PDGFRA: variants seen among roughly 807,000 people sequenced by gnomAD.
PDGFRA encodes platelet-derived growth factor receptor alpha.
In PDGFRA, 25 loss-of-function variants were observed where a neutral mutation model predicts 121.5. The observed-to-expected ratio is 0.21, with a 90% CI of 0.15 to 0.29. The LOEUF (loss-of-function observed/expected upper bound fraction) is 0.29. Among genes scored for constraint, PDGFRA ranks in the 10% least tolerant of loss-of-function variants. PDGFRA has a pLI of 1.00. For synonymous variants in PDGFRA, 463 were observed against 494.8 expected, an observed-to-expected ratio of 0.94 and a Z score of 0.85; for missense variants, 1,008 against 1,345.1, an observed-to-expected ratio of 0.75 and a Z score of 3.92.
At chr4:54,245,782 A>G (rs1217072904) in intron 1 of PDGFRA, among the ~76,000 whole-genome samples, 2 of 152,200 alleles carry the variant, frequency 1.3e-5, no homozygotes, top group African/African-American at 4.8e-5. Flanking sequence ...TTGGATAAAG[A>G]GTCAAGACCC....
At chr4:54,274,805 G>C (rs758808469) in intron 11 of PDGFRA, 36 bp from the exon 12 acceptor site, 2 of 1,612,812 alleles carry the variant, frequency 1.2e-6, no homozygotes, top group East Asian at 2.2e-5. Context: ...CTGGGACTTT[G>C]GTAATTCACC....
At chr4:54,246,382 G>GTTT (rs1179968442) in intron 1 of PDGFRA, among the ~76,000 whole-genome samples, 2 of 152,178 alleles carry the variant, frequency 1.3e-5, no homozygotes, top group East Asian at 3.8e-4. Context: ...AGACCACAGT[G>GTTT]CAATCAAACC....
chr4:54,240,432 T>C (rs954310506), intron 1 of PDGFRA, among the ~76,000 whole-genome samples: 76 of 152,230 alleles, frequency 5.0e-4, no homozygotes, highest in Admixed American at 4.4e-3. Context: ...TAGCTGATAC[T>C]CTGGGCTTTT....
intron 1 of PDGFRA, among the ~76,000 whole-genome samples, chr4:54,253,278 A>C (rs1722165054): frequency 6.6e-6 from 1 of 152,230 alleles, no homozygotes; most frequent in African/African-American, 2.4e-5. Context: ...CTTTCCATTA[A>C]TCTCCATAAT....
At chr4:54,263,603 C>A in intron 3 of PDGFRA, 64 bp from the exon 4 acceptor site, 1 of 1,508,274 alleles carries the variant, frequency 6.6e-7, no homozygotes. Flanking sequence ...GATAGTTTTT[C>A]TGGATTTATG....
At chr4:54,281,374 T>C (rs1398242774) in intron 16 of PDGFRA, among the ~76,000 whole-genome samples, 1 of 152,248 alleles carries the variant, frequency 6.6e-6, no homozygotes, top group African/African-American at 2.4e-5. Flanking sequence ...AAGTGAAAGG[T>C]ACAATCCATT....
intron 1 of PDGFRA, among the ~76,000 whole-genome samples, chr4:54,232,167 G>A (rs1720717433): frequency 6.6e-6 from 1 of 152,252 alleles, no homozygotes; most frequent in African/African-American, 2.4e-5. Context: ...ATCGGTGACC[G>A]AAAGGTGTGG....
chr4:54,232,953 C>G (rs1720770723), intron 1 of PDGFRA, among the ~76,000 whole-genome samples: 1 of 152,206 alleles, frequency 6.6e-6, no homozygotes, highest in Non-Finnish European at 1.5e-5. Flanking sequence ...GAGCCGCTAC[C>G]CACGGCCGTG....
chr4:54,275,007 T>C (rs1293823203), intron 12 of PDGFRA, 34 bp downstream of exon 12: 2 of 1,610,036 alleles, frequency 1.2e-6, no homozygotes, highest in Non-Finnish European at 1.7e-6. Context: ...CAAGACTCCC[T>C]TTTCCCTTGC....
rs1577742150 is a variant in PDGFRA at position 54,285,846 on chromosome 4, C to G, written c.2445C>G (p.Val815=). The G allele has an allele frequency of 1.9e-6, 3 of 1,614,026 alleles. No homozygotes were observed. The highest frequency in any genetic ancestry group is 3.3e-5 in the Admixed American group (2 of 60,010). ...GMEFLASKNC[V]HRDLAARNVL... is the part of the protein sequence containing the mutation. Reference sequence around the variant, plus strand: ...TTTCTTCCTTTTCCATGCAGTGTGTCCACCGTGATCTGGCTGCTCGCAACG... The same window carrying G: ...TTTCTTCCTTTTCCATGCAGTGTGTGCACCGTGATCTGGCTGCTCGCAACG... Residue 815 remains valine, a synonymous_variant, in exon 18 of 23, where the codon GTC becomes GTG. Transcript: ENST00000257290.
intron 1 of PDGFRA, among the ~76,000 whole-genome samples, chr4:54,256,892 T>C (rs1722404203): frequency 6.6e-6 from 1 of 152,038 alleles, no homozygotes; most frequent in Non-Finnish European, 1.5e-5. Flanking sequence ...GGTGCAGGCC[T>C]GTAGTCCCAG....
At chr4:54,262,816 C>T (rs908155755) in intron 3 of PDGFRA, among the ~76,000 whole-genome samples, 8 of 152,126 alleles carry the variant, frequency 5.3e-5, no homozygotes, top group African/African-American at 1.7e-4. Flanking sequence ...ATGGTAGGAA[C>T]GTGAATGTGT....
intron 1 of PDGFRA, among the ~76,000 whole-genome samples, chr4:54,231,807 T>A (rs1453007363): frequency 1.3e-5 from 2 of 152,230 alleles, no homozygotes; most frequent in African/African-American, 2.4e-5. Context: ...CTGGCTCTTG[T>A]TTAAATCCTT....
At chr4:54,281,620 T>G in intron 16 of PDGFRA, 1 of 1,357,282 alleles carries the variant, frequency 7.4e-7, no homozygotes. Flanking sequence ...CAGAGGAACC[T>G]GAGTCATGCT....
intron 16 of PDGFRA, among the ~76,000 whole-genome samples, chr4:54,284,564 C>G (rs6856658): frequency 0.013 from 754 of 55,922 alleles, 15 homozygotes; most frequent in African/African-American, 0.028. Flanking sequence ...GAGAGAGAGA[C>G]AGAGAGAGAG....
At position 54,273,622 on chromosome 4, in the gene PDGFRA, G is replaced by A. The variant is rs149031291; in HGVS notation, c.1450G>A (p.Val484Met). 7.7e-5 allele frequency: 124 copies of A among 1,613,876 alleles called. No individual in the cohort carries two copies. Among genetic ancestry groups the A allele is most frequent in the Middle Eastern group, 1.6e-4 (1 of 6,084 alleles). Residue 484 changes from valine to methionine, a missense_variant, in exon 10 of 23, where the codon GTG (valine) becomes ATG (methionine). This residue lies in a region of PDGFRA where 575 missense variants were observed against 701.8 expected (regional missense o/e 0.82). Coordinates refer to ENST00000257290, the MANE Select transcript of PDGFRA (RefSeq NM_006206.6). The part of the protein sequence containing the change: ...TEIHSRDRST[V>M]EGRVTFAKVE... ...GATCCACTCCCGAGACAGGAGTACCGTGGAGGGCCGTGTGACTTTCGCCAA... is the reference window on the plus strand; with the variant it reads ...GATCCACTCCCGAGACAGGAGTACCATGGAGGGCCGTGTGACTTTCGCCAA...
At chr4:54,247,476 T>C (rs1180269718) in intron 1 of PDGFRA, among the ~76,000 whole-genome samples, 1 of 152,158 alleles carries the variant, frequency 6.6e-6, no homozygotes, top group Admixed American at 6.5e-5. Flanking sequence ...AACCACATGA[T>C]TATCTCAATA....
intron 1 of PDGFRA, among the ~76,000 whole-genome samples, chr4:54,248,603 C>T (rs539563511): frequency 6.6e-6 from 1 of 152,216 alleles, no homozygotes; most frequent in South Asian, 2.1e-4. Flanking sequence ...GACCTAAAAC[C>T]ATAAAAACCC....
At chr4:54,261,931 A>ATATTTTT (rs57094735) in intron 3 of PDGFRA, among the ~76,000 whole-genome samples, 2 of 58,416 alleles carry the variant, frequency 3.4e-5, no homozygotes, top group African/African-American at 6.7e-5. Flanking sequence ...ATATATATAT[A>ATATTTTT]TTTTTTTTTT....
Sources: allele counts gnomAD v4.1 joint callset (sites outside exome capture counted in the v4.1 genomes callset), GRCh38; gene constraint gnomAD v4.1.1; regional missense constraint gnomAD v4.1.1; transcripts MANE v1.5; gene names NCBI Gene and HGNC (gene_info 2026-07-23, HGNC 2026-07-21).